L3MBTL4: variants seen among roughly 807,000 people sequenced by gnomAD.
L3MBTL4 encodes the protein lethal(3)malignant brain tumor-like protein 4.
In L3MBTL4, 70 loss-of-function variants were observed where a neutral mutation model predicts 84.5. That is an observed-to-expected ratio of 0.83 (90% CI 0.68 to 1.01). The LOEUF is 1.01. Ranked by LOEUF, L3MBTL4 falls within the 50% of genes least tolerant of loss-of-function variation. L3MBTL4 has a pLI of 0.00. For synonymous variants in L3MBTL4, 274 were observed against 259.8 expected (o/e 1.05, Z -0.52); for missense variants, 715 against 754.8 (o/e 0.95, Z 0.62).
intron 14 of L3MBTL4, among the ~76,000 whole-genome samples, chr18:6,126,780 T>C (rs1451218928): frequency 1.3e-5 from 2 of 152,228 alleles, no homozygotes; most frequent in Non-Finnish European, 2.9e-5. Context: ...ATCAATGCTT[T>C]TACTAAATTG....
Position 6,238,122 on chromosome 18 carries a change from T to A in L3MBTL4, c.708-82A>T, listed in dbSNP as rs144885518. Reference sequence around the variant, plus strand: ...TCAAGAGTAACAATCATTCTGGATATCAACAGATACCACAGAAAACAGTAC... The same window carrying A: ...TCAAGAGTAACAATCATTCTGGATAACAACAGATACCACAGAAAACAGTAC... On this transcript the variant is annotated intron_variant, in intron 9 of 18. Coordinates refer to ENST00000317931, the MANE Select transcript of L3MBTL4 (RefSeq NM_001330559.2). 1.3e-4 allele frequency: 160 copies of A among 1,222,864 alleles called. 1 individual carries two copies. The African/African-American group carries it at 2.1e-3, about 16-fold the overall frequency. 75.8% of individuals were successfully genotyped at this position (1,222,864 alleles called of 1,614,324 possible).
At chr18:6,106,806 A>G (rs2059024085) in intron 14 of L3MBTL4, among the ~76,000 whole-genome samples, 1 of 152,162 alleles carries the variant, frequency 6.6e-6, no homozygotes. Flanking sequence ...TAAAGTCAGG[A>G]TTAGGAAGCA....
At chr18:6,032,474 TG>T (rs2055871916) in intron 16 of L3MBTL4, among the ~76,000 whole-genome samples, 1 of 151,504 alleles carries the variant, frequency 6.6e-6, no homozygotes, top group Non-Finnish European at 1.5e-5. Context: ...GTTGTGATTG[TG>T]GGGGCTGGTA....
chr18:6,166,682 T>A lies in L3MBTL4; in HGVS notation c.1096+5146A>T, dbSNP rs540656226. ...TCTCTGGGACACATTCAAAGCAGTGTGTAGAGGGAAACTTATAGCACTAAA... is the reference window on the plus strand; with the variant it reads ...TCTCTGGGACACATTCAAAGCAGTGAGTAGAGGGAAACTTATAGCACTAAA... On this transcript the variant is annotated intron_variant, in intron 13 of 18. Transcript: ENST00000317931. Among the ~76,000 whole-genome samples the A allele has an allele frequency of 4.7e-3, 711 of 150,824 alleles. 3 individuals carry two copies. Among genetic ancestry groups the A allele is most frequent in the African/African-American group, 0.017 (688 of 41,100 alleles).
rs548211981 is a variant in L3MBTL4, at chr18:6,104,001, T to C, written c.1200-10473A>G. On this transcript the variant is annotated intron_variant, in intron 14 of 18. Coordinates refer to ENST00000317931, the MANE Select transcript of L3MBTL4 (RefSeq NM_001330559.2). ...CAACAAGCCATGCTCTGCGGAGTCC[T>C]GTGGGGCACTGCAAAAGCATGCATT... is the stretch of plus-strand genomic sequence containing the variant. Among the ~76,000 whole-genome samples, 4 of 152,314 alleles carry C rather than the reference T, an allele frequency of 2.6e-5. No individual in the cohort carries two copies. In the East Asian group the frequency reaches 7.7e-4, roughly 29 times the overall value.
At chr18:6,351,321 A>C (rs1445609490) in intron 1 of L3MBTL4, among the ~76,000 whole-genome samples, 2 of 152,208 alleles carry the variant, frequency 1.3e-5, no homozygotes, top group Non-Finnish European at 2.9e-5. Flanking sequence ...TGTCAAATTC[A>C]TAAAGACGGA....
Position 6,221,025 on chromosome 18 carries a change from G to GT in L3MBTL4, c.785-5191dup, listed in dbSNP as rs566555960. Among the ~76,000 whole-genome samples the GT allele has an allele frequency of 7.7e-4, 117 of 151,436 alleles. 1 individual carries two copies. The highest frequency in any genetic ancestry group is 4.1e-3 in the East Asian group (21 of 5,158). ...TACAATGCAAATGTAATACTCCTCA[G>GT]TTTTTTTTTCCATATTAGAAGGCCA... On this transcript the variant is annotated intron_variant, in intron 10 of 18. Coordinates refer to ENST00000317931, the MANE Select transcript of L3MBTL4 (RefSeq NM_001330559.2).
At chr18:6,403,574 C>T (rs1237768728) in intron 1 of L3MBTL4, among the ~76,000 whole-genome samples, 1 of 152,198 alleles carries the variant, frequency 6.6e-6, no homozygotes, top group Non-Finnish European at 1.5e-5. Context: ...ATAAATTACA[C>T]ATATATTTTT....
intron 10 of L3MBTL4, among the ~76,000 whole-genome samples, chr18:6,222,528 T>C (rs966857850): frequency 6.6e-6 from 1 of 152,204 alleles, no homozygotes; most frequent in African/African-American, 2.4e-5. Context: ...CCCAATGTTT[T>C]GGCAGGCATT....
intron 1 of L3MBTL4, among the ~76,000 whole-genome samples, chr18:6,347,210 T>G (rs1322993726): frequency 2.0e-5 from 3 of 151,884 alleles, no homozygotes; most frequent in African/African-American, 7.3e-5. Context: ...GGGTACAAAG[T>G]TTTAGTTATG....
At chr18:6,215,246 T>C (rs1479277671) in intron 11 of L3MBTL4, among the ~76,000 whole-genome samples, 4 of 152,218 alleles carry the variant, frequency 2.6e-5, no homozygotes, top group Non-Finnish European at 5.9e-5. Context: ...GAAATTAATT[T>C]ATACTTAGTT....
At chr18:6,232,663 T>G (rs1321357332) in intron 10 of L3MBTL4, among the ~76,000 whole-genome samples, 6 of 152,070 alleles carry the variant, frequency 3.9e-5, no homozygotes, top group Non-Finnish European at 8.8e-5. Context: ...TCACACAAGG[T>G]TCACAGAAAA....
chr18:6,345,215 CAAAAAAAAAA>C (rs35502624), intron 1 of L3MBTL4, among the ~76,000 whole-genome samples: 2 of 38,498 alleles, frequency 5.2e-5, no homozygotes, highest in African/African-American at 9.9e-5. Context: ...TACTAAAATA[CAAAAAAAAAA>C]AAAAAAAAAA....
At position 6,221,402 on chromosome 18, in the gene L3MBTL4, G is replaced by C. The variant is rs561106485; in HGVS notation, c.785-5567C>G. The stretch of plus-strand genomic sequence containing the variant: ...TCTATCACAATAGACAAATCTATCT[G>C]TCTATTGGATCTGCCAAGGGTCTAT... On this transcript the variant is annotated intron_variant, in intron 10 of 18. Transcript: ENST00000317931. 3.2e-3 allele frequency among the ~76,000 whole-genome samples: 490 copies of C among 152,238 alleles called. 23 individuals carry two copies. Among genetic ancestry groups the C allele is most frequent in the Admixed American group, 0.032 (483 of 15,296 alleles).
intron 14 of L3MBTL4, among the ~76,000 whole-genome samples, chr18:6,099,607 T>TATATATATATATATATATATATATATA (rs201566898): frequency 8.1e-6 from 1 of 122,838 alleles, no homozygotes; most frequent in African/African-American, 2.8e-5. Flanking sequence ...TATATATATA[T>TATATATATATATATATATATATATATA]GGAGAGAGAG....
intron 10 of L3MBTL4, among the ~76,000 whole-genome samples, chr18:6,226,311 C>T (rs1191594659): frequency 2.0e-5 from 3 of 152,010 alleles, no homozygotes; most frequent in African/African-American, 7.2e-5. Flanking sequence ...GAGGCTGAGG[C>T]ACAAGAATCA....
chr18:6,268,369 T>G (rs146323239), intron 4 of L3MBTL4, among the ~76,000 whole-genome samples: 1,897 of 152,158 alleles, frequency 0.012, 36 homozygotes, highest in African/African-American at 0.042. Flanking sequence ...ATGGCGCCAT[T>G]GCACTCCAGC....
chr18:6,221,450 A>C (rs2046549722), intron 10 of L3MBTL4, among the ~76,000 whole-genome samples: 1 of 149,124 alleles, frequency 6.7e-6, no homozygotes, highest in Non-Finnish European at 1.5e-5. Context: ...AATGTTCAGC[A>C]TGAACACACA....
intron 16 of L3MBTL4, among the ~76,000 whole-genome samples, chr18:6,070,205 C>A (rs144652477): frequency 1.3e-5 from 2 of 152,088 alleles, no homozygotes; most frequent in African/African-American, 4.8e-5. Context: ...GATTTAAGCA[C>A]TATGAATCCT....
Sources: gnomAD v4.1 joint callset for allele counts (sites outside exome capture counted in the v4.1 genomes callset) on GRCh38, gnomAD v4.1.1 for gene constraint, MANE v1.5 for transcripts, NCBI Gene and HGNC (gene_info 2026-07-23, HGNC 2026-07-21) for gene names.